Variants in MKLN1 observed in about 807,000 individuals in gnomAD.
The protein encoded by MKLN1 is muskelin.
MKLN1 carries 18 observed loss-of-function variants against 99.0 expected under a neutral mutation model. The observed-to-expected ratio is 0.18, with a 90% CI of 0.13 to 0.27. The LOEUF (loss-of-function observed/expected upper bound fraction) is 0.27. MKLN1 is among the 10% of genes least tolerant of loss of function. The probability of loss-of-function intolerance (pLI) is 1.00; values close to 1 mark genes in which losing one functional copy is unlikely to be tolerated. For synonymous variants in MKLN1, 288 were observed against 293.2 expected (o/e 0.98, Z 0.18); for missense variants, 621 against 875.9 (o/e 0.71, Z 3.67).
At chr7:131,282,349 C>CAAAAAAAA (rs1001483569) in intron 3 of MKLN1, among the ~76,000 whole-genome samples, 2 of 65,664 alleles carry the variant, frequency 3.0e-5, no homozygotes, top group African/African-American at 9.8e-5. Context: ...AACTCCGTCT[C>CAAAAAAAA]AAAAAAAAAA....
At chr7:131,388,328 TGTCA>T (rs1159630288) in intron 3 of MKLN1, among the ~76,000 whole-genome samples, 2 of 152,220 alleles carry the variant, frequency 1.3e-5, no homozygotes, top group Admixed American at 1.3e-4. Flanking sequence ...TAAATCATTG[TGTCA>T]GTCCTAGTTG....
intron 6 of MKLN1, among the ~76,000 whole-genome samples, chr7:131,408,352 G>A (rs1794770690): frequency 6.6e-6 from 1 of 152,014 alleles, no homozygotes; most frequent in South Asian, 2.1e-4. Flanking sequence ...AATCATTCTT[G>A]AATGGTCAAA....
In MKLN1 at chr7:131,430,979, C is replaced by T. The variant is rs184879359; in HGVS notation, c.960+1834C>T. On this transcript the variant is annotated intron_variant, in intron 9 of 17. Transcript: ENST00000352689. ...GCTCATGCCTGTAATCCCAGCACTT[C>T]GGGAGAGCGAGGCCAGCAGATCACC... Among the ~76,000 whole-genome samples, 477 of 152,130 alleles carry T rather than the reference C, an allele frequency of 3.1e-3. 1 individual carries two copies. Among genetic ancestry groups the T allele is most frequent in the African/African-American group, 0.011 (451 of 41,510 alleles).
At chr7:131,398,203 G>A (rs1794415975) in intron 5 of MKLN1, among the ~76,000 whole-genome samples, 1 of 152,042 alleles carries the variant, frequency 6.6e-6, no homozygotes. Context: ...GTATACTTAG[G>A]AAGTTTGAGG....
intron 3 of MKLN1, among the ~76,000 whole-genome samples, chr7:131,265,020 T>C (rs1797787223): frequency 6.6e-6 from 1 of 152,122 alleles, no homozygotes; most frequent in South Asian, 2.1e-4. Context: ...TTTGTATTTT[T>C]AGTAGAGACG....
At chr7:131,422,432 T>G (rs894131491) in intron 8 of MKLN1, among the ~76,000 whole-genome samples, 3 of 152,154 alleles carry the variant, frequency 2.0e-5, no homozygotes, top group African/African-American at 4.8e-5. Context: ...GTGCCTGTAG[T>G]CCCAGCTCTG....
chr7:131,487,487 G>A lies in MKLN1; in HGVS notation c.2087-120G>A, dbSNP rs975063016. 4 of 1,103,768 alleles carry A rather than the reference G, an allele frequency of 3.6e-6. No homozygotes were observed. The highest frequency in any genetic ancestry group is 1.6e-5 in the African/African-American group (1 of 63,438). The allele number at this position is 1,103,768 out of a possible 1,614,324, so 68.4% of individuals were successfully genotyped here. ...AACTGGGGTCAGATCAGTAGTGTCTGCCTGGTTTTGAAGCCTGATTTGATT... is the reference window on the plus strand; with the variant it reads ...AACTGGGGTCAGATCAGTAGTGTCTACCTGGTTTTGAAGCCTGATTTGATT... On this transcript the variant is annotated intron_variant, in intron 17 of 17. Coordinates refer to ENST00000352689, the MANE Select transcript of MKLN1 (RefSeq NM_013255.5). The surrounding 1 kb of genome is among the most constrained non-coding windows in gnomAD (Gnocchi z 4.7).
chr7:131,327,959 A>G lies in MKLN1; in HGVS notation c.60A>G (p.Leu20=), dbSNP rs755033879. ...AGTGCCGGCTTCTCCCCTACGCGCT[A>G]CACAAGTGGAGCTCCTTTTCCTCCA... The part of the protein sequence containing the change: ...APECRLLPYA[L]HKWSSFSSTY... Residue 20 remains leucine, a synonymous_variant, in exon 1 of 18, where the codon CTA becomes CTG. Coordinates refer to ENST00000352689, the MANE Select transcript of MKLN1 (RefSeq NM_013255.5). The G allele has an allele frequency of 1.2e-5, 20 of 1,613,694 alleles. No homozygotes were observed. The East Asian group carries it at 3.1e-4, about 25-fold the overall frequency.
chr7:131,463,080 C>A, intron 12 of MKLN1, 137 bp from the exon 13 acceptor site: 1 of 675,986 alleles, frequency 1.5e-6, no homozygotes, highest in South Asian at 1.9e-5. Flanking sequence ...CATGGTTGTG[C>A]CTCACTGCAC....
rs938212548 is a variant in MKLN1 at position 131,145,374 on chromosome 7, G to A, written c.-297+2433G>A. 3.3e-5 allele frequency among the ~76,000 whole-genome samples: 5 copies of A among 152,080 alleles called. No individual in the cohort carries two copies. In the East Asian group the frequency reaches 9.6e-4, roughly 29 times the overall value. On this transcript the variant is annotated intron_variant, in intron 2 of 7. Coordinates refer to the MKLN1 transcript ENST00000416992. ...TCTCCTGTTGATTGTAAGAAGATGA[G>A]TCAACACAGTGGGATGTAGCTTTAA... is the stretch of plus-strand genomic sequence containing the variant.
intron 7 of MKLN1, among the ~76,000 whole-genome samples, chr7:131,413,816 G>A (rs1794944468): frequency 6.6e-6 from 1 of 152,160 alleles, no homozygotes; most frequent in African/African-American, 2.4e-5. Context: ...TGGGATTACA[G>A]GTTTGAGCCA....
At chr7:131,229,546 G>GT (rs1554540168) in intron 3 of MKLN1, among the ~76,000 whole-genome samples, 39 of 151,632 alleles carry the variant, frequency 2.6e-4, no homozygotes, top group African/African-American at 9.2e-4. Context: ...ATGTGTGTGT[G>GT]TGTTGTTGTT....
intron 2 of MKLN1, among the ~76,000 whole-genome samples, chr7:131,165,528 C>G (rs542676170): frequency 6.6e-6 from 1 of 151,928 alleles, no homozygotes; most frequent in African/African-American, 2.4e-5. Context: ...GAAGTGGAGA[C>G]GATGTAAGCA....
At position 131,496,482 on chromosome 7, in the gene MKLN1, C is replaced by T. The variant is rs1797565105; in HGVS notation, c.*8754C>T. ...AGTACAAATAATTTTCAGATCCCAG[C>T]TTTGGTAAATGTGTTAATTCTACTT... On this transcript the variant is annotated 3_prime_UTR_variant, in exon 18 of 18. Transcript: ENST00000352689. 1 of 151,802 alleles carries T rather than the reference C, an allele frequency of 6.6e-6. No homozygotes were observed. Among genetic ancestry groups the T allele is most frequent in the South Asian group, 2.1e-4 (1 of 4,810 alleles). 9.4% of individuals were successfully genotyped at this position (151,802 alleles called of 1,614,324 possible).
At chr7:131,436,018 A>G (rs1218330894) in intron 9 of MKLN1, among the ~76,000 whole-genome samples, 1 of 152,166 alleles carries the variant, frequency 6.6e-6, no homozygotes, top group Non-Finnish European at 1.5e-5. Flanking sequence ...GCATTATGGC[A>G]TAGATTTATT....
At chr7:131,139,065 C>T (rs1225070073) in intron 1 of MKLN1, among the ~76,000 whole-genome samples, 1 of 152,156 alleles carries the variant, frequency 6.6e-6, no homozygotes, top group Non-Finnish European at 1.5e-5. Context: ...GGCCTATGTG[C>T]ACCTCATTAT....
At chr7:131,125,927 A>G (rs1380832208) in intron 1 of MKLN1, among the ~76,000 whole-genome samples, 1 of 151,182 alleles carries the variant, frequency 6.6e-6, no homozygotes, top group Non-Finnish European at 1.5e-5. Flanking sequence ...AATGGCGTGA[A>G]CCCAGGAGGC....
chr7:131,250,027 C>T (rs548005821), intron 3 of MKLN1, among the ~76,000 whole-genome samples: 5 of 152,216 alleles, frequency 3.3e-5, no homozygotes, highest in Admixed American at 2.6e-4. Context: ...GCATGAAGTA[C>T]GAGGACCACT....
chr7:131,110,200 G>A (rs1795169978), exon 1 of MKLN1: 1 of 171,086 alleles, frequency 5.8e-6, no homozygotes, highest in Non-Finnish European at 1.3e-5. Flanking sequence ...CTCCCCGCGG[G>A]GCAGATGGTA....
Sources: allele counts gnomAD v4.1 joint callset (sites outside exome capture counted in the v4.1 genomes callset), GRCh38; gene constraint gnomAD v4.1.1; non-coding constraint Gnocchi (gnomAD v3.1); transcripts MANE v1.5; gene names NCBI Gene and HGNC (gene_info 2026-07-23, HGNC 2026-07-21).